CCDC175: variants seen among roughly 807,000 people sequenced by gnomAD.
CCDC175 encodes the protein coiled-coil domain-containing protein 175.
Under a neutral mutation model 114.6 loss-of-function variants are expected in CCDC175, and 100 were observed. The observed-to-expected ratio is 0.87, with a 90% CI of 0.74 to 1.03. The LOEUF (loss-of-function observed/expected upper bound fraction) is 1.03. Among genes scored for constraint, CCDC175 ranks in the 50% least tolerant of loss-of-function variants. The pLI is 0.00. For synonymous variants in CCDC175, 306 were observed against 308.7 expected (o/e 0.99, Z 0.09); for missense variants, 880 against 917.8 (o/e 0.96, Z 0.53).
At chr14:59,547,174 T>C (rs1895162678) in intron 8 of CCDC175, among the ~76,000 whole-genome samples, 1 of 151,770 alleles carries the variant, frequency 6.6e-6, no homozygotes, top group Admixed American at 6.6e-5. Flanking sequence ...GGAGGAAAAA[T>C]GAAAAGAAAA....
intron 9 of CCDC175, 136 bp from the exon 10 acceptor site, chr14:59,543,590 CT>C (rs1894920274): frequency 4.7e-6 from 2 of 425,404 alleles, no homozygotes; most frequent in African/African-American, 2.0e-5. Flanking sequence ...GAAAGCAAGT[CT>C]TTTTGCTAGT....
chr14:59,529,882 C>T (rs1893961752), intron 14 of CCDC175, among the ~76,000 whole-genome samples: 1 of 152,174 alleles, frequency 6.6e-6, no homozygotes, highest in African/African-American at 2.4e-5. Context: ...GGTCAACTTT[C>T]CCACTCTTAT....
At chr14:59,505,899 TC>T (rs1264933434) in intron 19 of CCDC175, among the ~76,000 whole-genome samples, 5 of 152,326 alleles carry the variant, frequency 3.3e-5, no homozygotes, top group Admixed American at 6.5e-5. Flanking sequence ...CAGAAGTGTT[TC>T]GAATTTCGGG....
intron 8 of CCDC175, among the ~76,000 whole-genome samples, chr14:59,548,878 T>C (rs1356474380): frequency 6.6e-6 from 1 of 152,174 alleles, no homozygotes; most frequent in Non-Finnish European, 1.5e-5. Flanking sequence ...ATATCCCTGA[T>C]GAGCCTCAGG....
intron 7 of CCDC175, among the ~76,000 whole-genome samples, chr14:59,557,709 TATAAC>T (rs1358679660): frequency 2.0e-5 from 3 of 151,996 alleles, no homozygotes; most frequent in Non-Finnish European, 4.4e-5. Context: ...CATCTCCCCA[TATAAC>T]ATATTTATGT....
chr14:59,573,942 G>A (rs12100548), intron 2 of CCDC175, among the ~76,000 whole-genome samples: 139,556 of 152,234 alleles, frequency 0.92, 64,091 homozygotes, highest in East Asian at 1. Flanking sequence ...GAGATTTCAC[G>A]GCTCAGATAT....
intron 17 of CCDC175, 139 bp from the exon 18 acceptor site, chr14:59,511,942 A>T (rs1010111194): frequency 3.1e-6 from 2 of 638,548 alleles, no homozygotes; most frequent in Admixed American, 2.8e-5. Context: ...GAATAACTGA[A>T]TTGGACCTGC....
intron 4 of CCDC175, among the ~76,000 whole-genome samples, chr14:59,565,712 A>T (rs1235869684): frequency 1.5e-5 from 2 of 131,494 alleles, no homozygotes; most frequent in Non-Finnish European, 3.6e-5. Context: ...GTCTGAAATT[A>T]AAAAAAAAAA....
At chr14:59,555,649 C>T (rs1436595114) in intron 7 of CCDC175, among the ~76,000 whole-genome samples, 1 of 152,092 alleles carries the variant, frequency 6.6e-6, no homozygotes, top group Middle Eastern at 3.2e-3. Flanking sequence ...AAAGGGTATT[C>T]AATTAGGAAA....
intron 7 of CCDC175, among the ~76,000 whole-genome samples, chr14:59,555,790 C>G (rs1311231444): frequency 2.0e-5 from 3 of 152,122 alleles, no homozygotes; most frequent in Non-Finnish European, 4.4e-5. Flanking sequence ...AATCAATGTG[C>G]AAAAATCACA....
rs554096509 is a variant in CCDC175 at position 59,533,943 on chromosome 14, C to T, written c.1624-2033G>A. On this transcript the variant is annotated intron_variant, in intron 13 of 19. Coordinates refer to ENST00000537690, the MANE Select transcript of CCDC175 (RefSeq NM_001164399.2). ...GGCGGAGGTTGCAGTGAGCCTAGAT[C>T]GCGCCACTGCACTCCAGCCTGGGCA... Among the ~76,000 whole-genome samples, 7 of 148,082 alleles carry T rather than the reference C, an allele frequency of 4.7e-5. No individual in the cohort carries two copies. In the East Asian group the frequency reaches 9.9e-4, roughly 21 times the overall value.
chr14:59,547,367 G>A (rs896927549), intron 8 of CCDC175, among the ~76,000 whole-genome samples: 1 of 152,152 alleles, frequency 6.6e-6, no homozygotes, highest in Non-Finnish European at 1.5e-5. Context: ...TTTTTTGGAA[G>A]AACGTGACAA....
At chr14:59,509,437 A>G (rs1265054323) in intron 19 of CCDC175, among the ~76,000 whole-genome samples, 2 of 152,160 alleles carry the variant, frequency 1.3e-5, no homozygotes, top group African/African-American at 4.8e-5. Flanking sequence ...CTGAAACGTT[A>G]TTTCTTCTGT....
intron 7 of CCDC175, among the ~76,000 whole-genome samples, chr14:59,559,053 A>G (rs1276792347): frequency 1.3e-5 from 2 of 152,164 alleles, no homozygotes; most frequent in African/African-American, 2.4e-5. Flanking sequence ...TGACTAGACC[A>G]CTAAACTTTA....
chr14:59,531,641 GGGC>G (rs1195712075), intron 14 of CCDC175, 128 bp downstream of exon 14: 3 of 586,518 alleles, frequency 5.1e-6, no homozygotes, highest in Non-Finnish European at 8.4e-6. Flanking sequence ...AGAGAACAGA[GGGC>G]TAAAGGTAAT....
intron 16 of CCDC175, among the ~76,000 whole-genome samples, chr14:59,523,745 T>C (rs1371525551): frequency 2.0e-5 from 3 of 152,102 alleles, no homozygotes; most frequent in Admixed American, 6.5e-5. Context: ...ATCCTAGCAC[T>C]ATGGGAGGCC....
chr14:59,551,288 TA>T, intron 8 of CCDC175, 66 bp downstream of exon 8: 1 of 728,670 alleles, frequency 1.4e-6, no homozygotes, highest in South Asian at 2.5e-5. Context: ...ATTTCTCACA[TA>T]TTTTAAACAT....
At chr14:59,515,233 T>C (rs1265294780) in intron 17 of CCDC175, among the ~76,000 whole-genome samples, 1 of 152,096 alleles carries the variant, frequency 6.6e-6, no homozygotes, top group East Asian at 1.9e-4. Context: ...TAAAGACCAT[T>C]GAGGCTAGGA....
At chr14:59,534,031 A>C (rs1894248058) in intron 13 of CCDC175, among the ~76,000 whole-genome samples, 1 of 150,982 alleles carries the variant, frequency 6.6e-6, no homozygotes, top group Non-Finnish European at 1.5e-5. Flanking sequence ...TATTATCCAT[A>C]CTAGGTTTTT....
Sources: gnomAD v4.1 joint callset for allele counts (sites outside exome capture counted in the v4.1 genomes callset) on GRCh38, gnomAD v4.1.1 for gene constraint, MANE v1.5 for transcripts, NCBI Gene and HGNC (gene_info 2026-07-23, HGNC 2026-07-21) for gene names.